The following GNAI1 variants were observed in gnomAD, a reference collection of about 807,000 sequenced individuals.
GNAI1 encodes guanine nucleotide-binding protein G(i) subunit alpha-1.
GNAI1 carries 11 observed loss-of-function variants against 38.9 expected under a neutral mutation model. The observed-to-expected ratio is 0.28, with a 90% CI of 0.18 to 0.47. The LOEUF is 0.47. GNAI1 is among the 20% of genes least tolerant of loss of function. The pLI is 0.99. For missense variants in GNAI1, 317 were observed against 436.9 expected (o/e 0.73, Z 2.45); for synonymous variants, 166 against 145.1 (o/e 1.14, Z -1.04).
At chr7:80,173,496 C>T (rs1788131425) in intron 1 of GNAI1, among the ~76,000 whole-genome samples, 1 of 152,134 alleles carries the variant, frequency 6.6e-6, no homozygotes, top group South Asian at 2.1e-4. Context: ...TTAGTCCTGT[C>T]TGATAATTTT....
intron 1 of GNAI1, among the ~76,000 whole-genome samples, chr7:80,145,572 C>T (rs1394602024): frequency 1.3e-5 from 2 of 152,134 alleles, no homozygotes; most frequent in Non-Finnish European, 2.9e-5. Context: ...GGTGAAATTT[C>T]TATGTCTAAA....
chr7:80,182,370 T>C (rs1788309995), intron 1 of GNAI1, among the ~76,000 whole-genome samples: 1 of 152,208 alleles, frequency 6.6e-6, no homozygotes, highest in Non-Finnish European at 1.5e-5. Context: ...ATTGTAATAG[T>C]ATGATACCTA....
intron 7 of GNAI1, among the ~76,000 whole-genome samples, chr7:80,213,836 C>T (rs995278677): frequency 1.4e-5 from 2 of 143,594 alleles, no homozygotes; most frequent in African/African-American, 5.1e-5. Flanking sequence ...TCACCCCACT[C>T]TTCCTGTTTT....
Position 80,135,169 on chromosome 7 carries a change from CA to C in GNAI1, c.10del (p.Thr4ArgfsTer2). The C allele has an allele frequency of 6.5e-7, 1 of 1,533,908 alleles. No homozygotes were observed. Among genetic ancestry groups the C allele is most frequent in the Non-Finnish European group, 8.8e-7 (1 of 1,140,828 alleles). On this transcript the variant is annotated frameshift_variant, in exon 1 of 8. Coordinates refer to ENST00000649796, the MANE Select transcript of GNAI1 (RefSeq NM_002069.6). LOFTEE classifies it high-confidence loss of function. MGC[T>X]LSAEDKAAVE... The stretch of plus-strand genomic sequence containing the variant: ...CTCTCGCTTTCGGCACCATGGGCTG[CA>C]CGCTGAGCGCCGAGGACAAGGCGGC...
intron 3 of GNAI1, among the ~76,000 whole-genome samples, chr7:80,194,877 C>T (rs1007204626): frequency 7.9e-5 from 12 of 151,852 alleles, no homozygotes; most frequent in Non-Finnish European, 1.8e-4. Flanking sequence ...TTTCAAAATG[C>T]TCCTTGTTAC....
intron 1 of GNAI1, among the ~76,000 whole-genome samples, chr7:80,165,189 C>G (rs2523192): frequency 4.6e-5 from 7 of 151,776 alleles, no homozygotes; most frequent in Non-Finnish European, 7.4e-5. Flanking sequence ...AGTTGTGATT[C>G]CTCTCCCCTC....
intron 1 of GNAI1, among the ~76,000 whole-genome samples, chr7:80,186,179 C>T (rs1339134385): frequency 6.6e-6 from 1 of 151,876 alleles, no homozygotes; most frequent in South Asian, 2.1e-4. Context: ...TCTATAGGCA[C>T]CTACCACCAC....
At chr7:80,212,242 G>GAA (rs1039088608) in intron 6 of GNAI1, among the ~76,000 whole-genome samples, 4 of 152,182 alleles carry the variant, frequency 2.6e-5, no homozygotes, top group African/African-American at 9.7e-5. Flanking sequence ...GGAAGGTCAA[G>GAA]AAACAGGAAT....
At position 80,224,747 on chromosome 7, in the gene GNAI1, T is replaced by TA. The variant is rs1187598876; in HGVS notation, c.*7258dup. On this transcript the variant is annotated 3_prime_UTR_variant, in exon 8 of 8. Coordinates refer to ENST00000649796, the MANE Select transcript of GNAI1 (RefSeq NM_002069.6). ...TACCCAGGTGTGAATGCAGAGCACT[T>TA]AAAACGTAGCTAGTCCAAAGTGAGT... 6.6e-6 allele frequency among the ~76,000 whole-genome samples: 1 copy of TA among 152,218 alleles called. No individual in the cohort carries two copies. The highest frequency in any genetic ancestry group is 2.4e-5 in the African/African-American group (1 of 41,448).
chr7:80,173,455 G>C (rs1788130420), intron 1 of GNAI1, among the ~76,000 whole-genome samples: 1 of 152,124 alleles, frequency 6.6e-6, no homozygotes, highest in African/African-American at 2.4e-5. Flanking sequence ...AAAAACTAGA[G>C]AATGTCCCAA....
chr7:80,158,865 A>C (rs1787865174), intron 1 of GNAI1, among the ~76,000 whole-genome samples: 1 of 152,128 alleles, frequency 6.6e-6, no homozygotes, highest in Admixed American at 6.5e-5. Context: ...TTTCAGCTAT[A>C]ATCTTTGACC....
intron 3 of GNAI1, among the ~76,000 whole-genome samples, chr7:80,198,697 A>G (rs912300048): frequency 5.3e-5 from 8 of 152,128 alleles, no homozygotes; most frequent in Non-Finnish European, 2.9e-5. Context: ...AGACCATTAC[A>G]TGAAATTAGT....
chr7:80,177,155 C>T (rs563964721), intron 1 of GNAI1, among the ~76,000 whole-genome samples: 199 of 150,522 alleles, frequency 1.3e-3, no homozygotes, highest in Admixed American at 2.6e-3. Flanking sequence ...CTCTGCCTCC[C>T]GAGTAGCTGG....
At chr7:80,146,689 A>T (rs1289886153) in intron 1 of GNAI1, among the ~76,000 whole-genome samples, 2 of 152,150 alleles carry the variant, frequency 1.3e-5, no homozygotes, top group African/African-American at 2.4e-5. Flanking sequence ...GCTGAGCCAC[A>T]GTCCAGTCCA....
At chr7:80,139,681 A>C (rs544920448) in intron 1 of GNAI1, among the ~76,000 whole-genome samples, 8 of 152,366 alleles carry the variant, frequency 5.3e-5, no homozygotes, top group African/African-American at 1.9e-4. Context: ...AATGAGAGCA[A>C]ATAACTGTCC....
chr7:80,170,279 T>A (rs541047684), intron 1 of GNAI1, among the ~76,000 whole-genome samples: 5 of 152,226 alleles, frequency 3.3e-5, no homozygotes, highest in African/African-American at 1.2e-4. Context: ...GATTCCATAA[T>A]TCTTCTACAT....
intron 1 of GNAI1, among the ~76,000 whole-genome samples, chr7:80,150,827 T>C (rs1787711421): frequency 6.6e-6 from 1 of 152,220 alleles, no homozygotes; most frequent in African/African-American, 2.4e-5. Flanking sequence ...TTACTCCTTA[T>C]TGCATTGCAT....
At chr7:80,135,842 A>G (rs1042092918) in intron 1 of GNAI1, 89 of 985,260 alleles carry the variant, frequency 9.0e-5, no homozygotes, top group Non-Finnish European at 9.4e-5. Flanking sequence ...TAAGTGGTCA[A>G]GGAGCGCTGA....
intron 1 of GNAI1, among the ~76,000 whole-genome samples, chr7:80,178,657 T>C (rs758871841): frequency 6.6e-6 from 1 of 152,226 alleles, no homozygotes; most frequent in Non-Finnish European, 1.5e-5. Flanking sequence ...GACATCATGC[T>C]ATTGCATAGT....
Sources: allele counts gnomAD v4.1 joint callset (sites outside exome capture counted in the v4.1 genomes callset), GRCh38; gene constraint gnomAD v4.1.1; transcripts MANE v1.5; gene names NCBI Gene and HGNC (gene_info 2026-07-23, HGNC 2026-07-21).